The following ASPSCR1 variants were observed in gnomAD, a reference collection of about 807,000 sequenced individuals.
ASPSCR1 encodes the protein tether containing UBX domain for GLUT4.
In ASPSCR1, 55 loss-of-function variants were observed where a neutral mutation model predicts 68.9. The ratio of observed to expected loss-of-function variants is 0.80; its 90% CI spans 0.64 to 1.00. ASPSCR1 has a LOEUF of 1.00. Among genes scored for constraint, ASPSCR1 ranks in the 50% least tolerant of loss-of-function variants. The pLI, the probability that ASPSCR1 is intolerant of heterozygous loss-of-function variation, is 0.00. For missense variants in ASPSCR1, 765 were observed against 762.2 expected, an observed-to-expected ratio of 1.00 and a Z score of -0.04; for synonymous variants, 352 against 332.6, an observed-to-expected ratio of 1.06 and a Z score of -0.63.
chr17:82,009,714 C>G (rs902344210), intron 9 of ASPSCR1, 147 bp downstream of exon 9: 5 of 612,386 alleles, frequency 8.2e-6, no homozygotes, highest in African/African-American at 4.0e-5. Flanking sequence ...GACTGAGGCA[C>G]AGCTCTGAGC....
chr17:81,996,693 G>T lies in ASPSCR1; in HGVS notation c.780G>T (p.Arg260Ser). 2 of 1,613,454 alleles carry T rather than the reference G, an allele frequency of 1.2e-6. No individual in the cohort carries two copies. The highest frequency in any genetic ancestry group is 1.7e-6 in the Non-Finnish European group (2 of 1,179,950). Residue 260 changes from arginine (R) to serine (S), a missense_variant, in exon 7 of 16, where the codon AGG (arginine) becomes AGT (serine). Physicochemically the swap from Arg to Ser is moderately radical, Grantham distance 110 (BLOSUM62 -1). Transcript: ENST00000306739. ...QRLGGPPGPTRPLTSSSAKLP... is the reference protein window; with the variant it reads ...QRLGGPPGPTSPLTSSSAKLP... ...TGGGGGGCCCTCCTGGGCCCACGAG[G>T]CCTCTGACATCATCTTCAGCTAAGT...
intron 7 of ASPSCR1, among the ~76,000 whole-genome samples, chr17:82,003,608 G>C (rs1050265448): frequency 6.6e-6 from 1 of 152,256 alleles, no homozygotes; most frequent in African/African-American, 2.4e-5. Context: ...TGATGCCTCT[G>C]CCTGGTGCAG....
rs1487200135 is a variant in ASPSCR1, at chr17:81,977,925, C to T, written c.102+177C>T. The T allele has an allele frequency of 8.5e-6, 3 of 350,960 alleles. No individual in the cohort carries two copies. Among genetic ancestry groups the T allele is most frequent in the Non-Finnish European group, 9.7e-6 (2 of 207,102 alleles). The allele number at this position is 350,960 out of a possible 1,614,324, so 21.7% of individuals were successfully genotyped here. The stretch of plus-strand genomic sequence containing the variant: ...GTCACCTGCGCTTCCGCTGGGGTCC[C>T]GGGGGTCCCGGGGGTCCCGAGTGGG... On this transcript the variant is annotated intron_variant, in intron 1 of 15. Coordinates refer to ENST00000306739, the MANE Select transcript of ASPSCR1 (RefSeq NM_024083.4). The surrounding 1 kb of genome is among the most constrained non-coding windows in gnomAD (Gnocchi z 5.0).
At chr17:82,009,365 C>G in intron 8 of ASPSCR1, 121 bp from the exon 9 acceptor site, 2 of 1,363,322 alleles carry the variant, frequency 1.5e-6, no homozygotes, top group Non-Finnish European at 2.0e-6. Flanking sequence ...CCAGACCTTC[C>G]TGCCTTGTGT....
In ASPSCR1 at chr17:81,983,626, G is replaced by A. The variant is rs764446354; in HGVS notation, c.231G>A (p.Glu77=). ...ACCTGCCCAACAATGCCAAGCTGGA[G>A]ATGGTGCCCGCTTCCCGGAGCCGTG... ...FANLPNNAKL[E]MVPASRSREG... is the part of the protein sequence containing the mutation. The change falls in exon 3 of 16, where the codon GAG becomes GAA. Residue 77 remains glutamate (E), a synonymous_variant. Coordinates refer to ENST00000306739, the MANE Select transcript of ASPSCR1 (RefSeq NM_024083.4). The surrounding 1 kb of genome is among the most constrained non-coding windows in gnomAD (Gnocchi z 4.4). The A allele has an allele frequency of 6.2e-7, 1 of 1,613,574 alleles. No homozygotes were observed. The highest frequency in any genetic ancestry group is 1.1e-5 in the South Asian group (1 of 90,972).
chr17:82,016,943 A>G lies in ASPSCR1; in HGVS notation c.1478A>G (p.Tyr493Cys). 6.2e-7 allele frequency: 1 copy of G among 1,610,848 alleles called. No homozygotes were observed. Residue 493 changes from tyrosine (Y) to cysteine (C), a missense_variant and splice_region_variant, in exon 15 of 16, where the codon TAC (tyrosine) becomes TGC (cysteine). By Grantham distance (194) the Tyr-to-Cys change is radical. Coordinates refer to ENST00000306739, the MANE Select transcript of ASPSCR1 (RefSeq NM_024083.4). ...TCTGTGTCTTCGCCTCCCCACAGGT[A>G]CATGTCCAGGGCCGCCGGGTCCCCT... is the stretch of plus-strand genomic sequence containing the variant. ...PSAADVLVAR[Y>C]MSRAAGSPSP... is the part of the protein sequence containing the mutation.
At chr17:82,015,664 T>A (rs1010058005) in intron 12 of ASPSCR1, 8 of 419,522 alleles carry the variant, frequency 1.9e-5, no homozygotes, top group Non-Finnish European at 3.0e-5. Flanking sequence ...CCTGGGCTTC[T>A]GTGAGCAGCC....
intron 3 of ASPSCR1, among the ~76,000 whole-genome samples, chr17:81,984,502 G>A (rs560196968): frequency 6.6e-6 from 1 of 151,970 alleles, no homozygotes; most frequent in Non-Finnish European, 1.5e-5. Flanking sequence ...GCGTGAACCC[G>A]GGAGGCGGAG....
At chr17:82,016,696 C>A in intron 13 of ASPSCR1, 104 bp from the exon 14 acceptor site, 1 of 1,464,648 alleles carries the variant, frequency 6.8e-7, no homozygotes, top group Non-Finnish European at 9.3e-7. Flanking sequence ...CAGCCACCTG[C>A]TGGCCACCCC....
chr17:81,996,520 G>A lies in ASPSCR1; in HGVS notation c.607G>A (p.Glu203Lys). ...QAAASAPLPL[E>K]SGELSRGDLS... ...AGCCGCCAGCGCTCCACTTCCCTTGGAATCTGGGGAGCTCAGCCGCGGCGA... is the reference window on the plus strand; with the variant it reads ...AGCCGCCAGCGCTCCACTTCCCTTGAAATCTGGGGAGCTCAGCCGCGGCGA... Residue 203 changes from glutamate (E) to lysine (K), a missense_variant, in exon 7 of 16, where the codon GAA becomes AAA. Glu to Lys is a moderately conservative substitution (Grantham distance 56). Coordinates refer to ENST00000306739, the MANE Select transcript of ASPSCR1 (RefSeq NM_024083.4). The A allele has an allele frequency of 6.2e-7, 1 of 1,612,862 alleles. No homozygotes were observed. Among genetic ancestry groups the A allele is most frequent in the Non-Finnish European group, 8.5e-7 (1 of 1,179,728 alleles).
In ASPSCR1 at chr17:81,986,966, C is replaced by T. The variant is rs993394846; in HGVS notation, c.374+1359C>T. ...CCTGGAGATGGCAGCGGGTTAAGCA[C>T]GAGCACGGAATTCTCCCTCCCAAAA... On this transcript the variant is annotated intron_variant, in intron 4 of 15. Transcript: ENST00000306739. The surrounding 1 kb of genome is among the most constrained non-coding windows in gnomAD (Gnocchi z 5.2). Among the ~76,000 whole-genome samples, 6 of 152,148 alleles carry T rather than the reference C, an allele frequency of 3.9e-5. No homozygotes were observed. Among genetic ancestry groups the T allele is most frequent in the Admixed American group, 6.5e-5 (1 of 15,274 alleles).
Position 81,990,671 on chromosome 17 carries a change from C to T in ASPSCR1, c.375-4150C>T, listed in dbSNP as rs879623888. Among the ~76,000 whole-genome samples, 5 of 152,164 alleles carry T rather than the reference C, an allele frequency of 3.3e-5. No homozygotes were observed. Among genetic ancestry groups the T allele is most frequent in the East Asian group, 1.9e-4 (1 of 5,190 alleles). On this transcript the variant is annotated intron_variant, in intron 4 of 15. Coordinates refer to ENST00000306739, the MANE Select transcript of ASPSCR1 (RefSeq NM_024083.4). This position sits in a 1 kb window ranked among gnomAD's most constrained non-coding sequence, Gnocchi z 4.1. ...GGAGTGTGCCTTCCGTGATAGGAGA[C>T]GCATGAGATGGAAATGAGGATTTCA...
intron 7 of ASPSCR1, among the ~76,000 whole-genome samples, chr17:82,002,988 T>C (rs961865273): frequency 6.6e-6 from 1 of 152,144 alleles, no homozygotes; most frequent in Non-Finnish European, 1.5e-5. Context: ...GATTTTCGTG[T>C]CTCAGCCTCC....
In ASPSCR1 at chr17:82,012,415, G is replaced by A. The variant is rs190706162; in HGVS notation, c.1353+132G>A. The A allele has an allele frequency of 1.2e-3, 1,339 of 1,113,198 alleles. 8 individuals are homozygous for A. The African/African-American group carries it at 0.017, about 14-fold the overall frequency. 69.0% of individuals were successfully genotyped at this position (1,113,198 alleles called of 1,614,324 possible). A position where few individuals can be genotyped will look rare whatever the true frequency, so the allele number is the denominator to read the frequency against. ...CAGGATAATAAAGCCTTTGAGAGCC[G>A]GTGGGTTCCGAGGGGGCCGTGCGCC... On this transcript the variant is annotated intron_variant, in intron 12 of 15. Transcript: ENST00000306739.
intron 7 of ASPSCR1, among the ~76,000 whole-genome samples, chr17:81,998,356 C>T (rs1363615619): frequency 2.0e-5 from 3 of 152,170 alleles, no homozygotes; most frequent in Non-Finnish European, 2.9e-5. Flanking sequence ...GTTCTAGTGG[C>T]GTCTTGGTTT....
chr17:81,990,963 C>A lies in ASPSCR1; in HGVS notation c.375-3858C>A, dbSNP rs1371529365. On this transcript the variant is annotated intron_variant, in intron 4 of 15. Coordinates refer to ENST00000306739, the MANE Select transcript of ASPSCR1 (RefSeq NM_024083.4). The surrounding 1 kb of genome is among the most constrained non-coding windows in gnomAD (Gnocchi z 4.1). ...TTTGAATCCCACGTCCCGTAAGGAC[C>A]TAGTTGCCAAGTGGTGAAAGGCAGG... is the stretch of plus-strand genomic sequence containing the variant. 1.3e-5 allele frequency among the ~76,000 whole-genome samples: 2 copies of A among 152,080 alleles called. No homozygotes were observed. Among genetic ancestry groups the A allele is most frequent in the African/African-American group, 4.8e-5 (2 of 41,408 alleles).
chr17:81,992,644 C>G (rs923677170), intron 4 of ASPSCR1, among the ~76,000 whole-genome samples: 1 of 152,226 alleles, frequency 6.6e-6, no homozygotes, highest in East Asian at 1.9e-4. Context: ...CTTCCTGGCC[C>G]TGGGGGCTGT....
chr17:82,011,756 G>A lies in ASPSCR1; in HGVS notation c.1300+151G>A, dbSNP rs575970189. 38 of 862,048 alleles carry A rather than the reference G, an allele frequency of 4.4e-5. 1 individual carries two copies. Among genetic ancestry groups the A allele is most frequent in the East Asian group, 1.9e-4 (7 of 36,650 alleles). The allele number at this position is 862,048 out of a possible 1,614,324, so 53.4% of individuals were successfully genotyped here. On this transcript the variant is annotated intron_variant, in intron 11 of 15. Coordinates refer to ENST00000306739, the MANE Select transcript of ASPSCR1 (RefSeq NM_024083.4). Reference sequence around the variant, plus strand: ...GCCCAGGTGCCTCCTGCAGCCCATGGTGTCTGTGTGGAGACCTAGGAGGGC... The same window carrying A: ...GCCCAGGTGCCTCCTGCAGCCCATGATGTCTGTGTGGAGACCTAGGAGGGC...
intron 8 of ASPSCR1, 86 bp from the exon 9 acceptor site, chr17:82,009,400 T>C: frequency 7.0e-7 from 1 of 1,423,220 alleles, no homozygotes; most frequent in Non-Finnish European, 9.5e-7. Flanking sequence ...ACTCCCACCC[T>C]GGAGGGTGCA....
Sources: allele counts gnomAD v4.1 joint callset (sites outside exome capture counted in the v4.1 genomes callset), GRCh38; gene constraint gnomAD v4.1.1; non-coding constraint Gnocchi (gnomAD v3.1); transcripts MANE v1.5; gene names NCBI Gene and HGNC (gene_info 2026-07-23, HGNC 2026-07-21).